The following TRHDE variants were observed in gnomAD, a reference collection of about 807,000 sequenced individuals.
TRHDE encodes thyrotropin releasing hormone degrading enzyme, also known as thyrotropin-releasing hormone-degrading ectoenzyme.
In TRHDE, 72 loss-of-function variants were observed where a neutral mutation model predicts 125.7. The observed-to-expected ratio is 0.57, with a 90% CI of 0.47 to 0.70. TRHDE has a LOEUF of 0.70. Among genes scored for constraint, TRHDE ranks in the 30% least tolerant of loss-of-function variants. TRHDE has a pLI of 0.00. For missense variants in TRHDE, 1,110 were observed against 1,327.1 expected (o/e 0.84, Z 2.54); for synonymous variants, 509 against 509.1 (o/e 1.00, Z 0.00).
At chr12:72,575,951 T>G (rs1451263256) in intron 12 of TRHDE, among the ~76,000 whole-genome samples, 1 of 152,128 alleles carries the variant, frequency 6.6e-6, no homozygotes, top group African/African-American at 2.4e-5. Flanking sequence ...TCTAAGAAGC[T>G]TATGCTGCAA....
intron 2 of TRHDE, among the ~76,000 whole-genome samples, chr12:72,228,102 A>C (rs1878171932): frequency 6.6e-6 from 1 of 152,166 alleles, no homozygotes; most frequent in Non-Finnish European, 1.5e-5. Context: ...CTCTTCTTAC[A>C]GTTCCACTAG....
chr12:72,633,641 A>G (rs1873590441), intron 15 of TRHDE, among the ~76,000 whole-genome samples: 1 of 152,062 alleles, frequency 6.6e-6, no homozygotes, highest in Non-Finnish European at 1.5e-5. Flanking sequence ...ATCACTGACT[A>G]TGCGTTTCAC....
chr12:72,569,562 C>T (rs921514685), intron 10 of TRHDE, among the ~76,000 whole-genome samples: 27 of 152,124 alleles, frequency 1.8e-4, no homozygotes, highest in African/African-American at 7.2e-5. Flanking sequence ...GGGAGGTTTA[C>T]ATGCTCAAAA....
chr12:72,127,488 T>C (rs1368350870), intron 2 of TRHDE, among the ~76,000 whole-genome samples: 1 of 152,244 alleles, frequency 6.6e-6, no homozygotes, highest in Non-Finnish European at 1.5e-5. Flanking sequence ...ATACACACCA[T>C]GGACTATTAT....
intron 2 of TRHDE, among the ~76,000 whole-genome samples, chr12:72,185,651 C>T (rs906233153): frequency 4.6e-5 from 7 of 151,490 alleles, no homozygotes; most frequent in Non-Finnish European, 7.4e-5. Flanking sequence ...CTTGGAGAAC[C>T]TTTATGTCTA....
chr12:72,224,667 T>C (rs534896277), intron 2 of TRHDE, among the ~76,000 whole-genome samples: 1 of 152,250 alleles, frequency 6.6e-6, no homozygotes, highest in South Asian at 2.1e-4. Flanking sequence ...ATTGCCATTA[T>C]GAGCTACTCA....
At chr12:72,531,203 A>G (rs1234111352) in intron 6 of TRHDE, among the ~76,000 whole-genome samples, 1 of 151,758 alleles carries the variant, frequency 6.6e-6, no homozygotes, top group Non-Finnish European at 1.5e-5. Flanking sequence ...ATTTATACTT[A>G]TTTGTTTGTT....
intron 5 of TRHDE, among the ~76,000 whole-genome samples, chr12:72,498,837 C>G (rs1878024422): frequency 6.6e-6 from 1 of 152,026 alleles, no homozygotes; most frequent in Non-Finnish European, 1.5e-5. Flanking sequence ...ATTATTAATA[C>G]CTATTGATCT....
intron 2 of TRHDE, among the ~76,000 whole-genome samples, chr12:72,316,767 A>G (rs1044101280): frequency 7.9e-5 from 12 of 152,190 alleles, no homozygotes; most frequent in Non-Finnish European, 1.5e-4. Flanking sequence ...AAAAAATAAG[A>G]GTGCATTGGA....
chr12:72,497,475 G>C (rs919969356), intron 5 of TRHDE, among the ~76,000 whole-genome samples: 3 of 152,008 alleles, frequency 2.0e-5, no homozygotes, highest in Non-Finnish European at 4.4e-5. Flanking sequence ...CACTTTACCT[G>C]GTTGTTTTAG....
chr12:72,195,484 C>T (rs1877423043), intron 2 of TRHDE, among the ~76,000 whole-genome samples: 1 of 151,840 alleles, frequency 6.6e-6, no homozygotes, highest in South Asian at 2.1e-4. Context: ...TTTTGCTTTG[C>T]ACTTCTCTGA....
intron 2 of TRHDE, among the ~76,000 whole-genome samples, chr12:72,291,885 G>A (rs553178897): frequency 6.6e-6 from 1 of 152,302 alleles, no homozygotes; most frequent in South Asian, 2.1e-4. Context: ...TGTTTGCAAT[G>A]GAATTGAATA....
intron 2 of TRHDE, 117 bp from the exon 3 acceptor site, chr12:72,377,878 A>G: frequency 1.4e-6 from 1 of 706,666 alleles, no homozygotes; most frequent in Non-Finnish European, 2.1e-6. Flanking sequence ...TGTATGAACG[A>G]GAATCCTGTT....
chr12:72,315,006 C>T (rs1397083411), intron 2 of TRHDE, among the ~76,000 whole-genome samples: 2 of 152,124 alleles, frequency 1.3e-5, no homozygotes, highest in Admixed American at 6.5e-5. Flanking sequence ...TAACTTATTG[C>T]TACCTAGTTA....
intron 15 of TRHDE, among the ~76,000 whole-genome samples, chr12:72,622,241 T>A (rs2136079560): frequency 6.6e-6 from 1 of 152,212 alleles, no homozygotes; most frequent in South Asian, 2.1e-4. Flanking sequence ...CTTAAACTTG[T>A]ATCTTATCTT....
intron 2 of TRHDE, among the ~76,000 whole-genome samples, chr12:72,295,978 C>A (rs1374914719): frequency 6.6e-6 from 1 of 152,118 alleles, no homozygotes; most frequent in Admixed American, 6.5e-5. Flanking sequence ...GATAGTCATC[C>A]TCCTCCTCTC....
intron 6 of TRHDE, among the ~76,000 whole-genome samples, chr12:72,522,342 T>A (rs1191452673): frequency 6.6e-6 from 1 of 152,208 alleles, no homozygotes; most frequent in Admixed American, 6.5e-5. Flanking sequence ...TGTATGTCCT[T>A]TTAAATTAAA....
intron 2 of TRHDE, among the ~76,000 whole-genome samples, chr12:72,211,252 G>A (rs1877774961): frequency 6.6e-6 from 1 of 152,178 alleles, no homozygotes; most frequent in African/African-American, 2.4e-5. Flanking sequence ...TGGTGCTAAG[G>A]TTCTGCCCAA....
chr12:72,445,619 G>C (rs1195294839), intron 3 of TRHDE, among the ~76,000 whole-genome samples: 1 of 151,838 alleles, frequency 6.6e-6, no homozygotes, highest in Non-Finnish European at 1.5e-5. Context: ...TTCATCTTAA[G>C]CTTTTAAAGG....
Sources: allele counts gnomAD v4.1 joint callset (sites outside exome capture counted in the v4.1 genomes callset), GRCh38; gene constraint gnomAD v4.1.1; transcripts MANE v1.5; gene names NCBI Gene and HGNC (gene_info 2026-07-23, HGNC 2026-07-21).